Variants in RIC1 observed in about 807,000 individuals in gnomAD.
RIC1 encodes RIC1 partner of RAB6A GEF complex, also known as guanine nucleotide exchange factor subunit RIC1.
RIC1 carries 88 observed loss-of-function variants against 169.0 expected under a neutral mutation model. The observed-to-expected ratio is 0.52, with a 90% CI of 0.44 to 0.62. The LOEUF (loss-of-function observed/expected upper bound fraction) is 0.62. RIC1 is among the 20% of genes least tolerant of loss of function. RIC1 has a pLI of 0.00. For missense variants in RIC1, 1,877 were observed against 1,725.5 expected, an observed-to-expected ratio of 1.09 and a Z score of -1.56; for synonymous variants, 790 against 601.5, an observed-to-expected ratio of 1.31 and a Z score of -4.59.
chr9:5,691,178 A>G (rs779408739), intron 3 of RIC1, among the ~76,000 whole-genome samples: 21 of 151,950 alleles, frequency 1.4e-4, no homozygotes, highest in Non-Finnish European at 2.7e-4. Flanking sequence ...TAAGAACTTG[A>G]CCATATTATA....
intron 1 of RIC1, among the ~76,000 whole-genome samples, chr9:5,647,980 G>GTGGTGGTGGTGGTGGTGGTGA (rs1818613102): frequency 7.9e-6 from 1 of 127,362 alleles, no homozygotes; most frequent in East Asian, 2.4e-4. Context: ...GGTGATGGTG[G>GTGGTGGTGGTGGTGGTGGTGA]TGGTGGTGGT....
intron 2 of RIC1, among the ~76,000 whole-genome samples, chr9:5,667,596 C>G (rs1404214590): frequency 1.3e-5 from 2 of 151,018 alleles, no homozygotes. Flanking sequence ...TCTTGATTTC[C>G]TGGGCTTAAG....
At chr9:5,733,177 C>G (rs1162457108) in intron 7 of RIC1, among the ~76,000 whole-genome samples, 1 of 150,432 alleles carries the variant, frequency 6.6e-6, no homozygotes, top group Non-Finnish European at 1.5e-5. Context: ...CTATGTTGCC[C>G]TCAAAATGAG....
chr9:5,695,436 A>C (rs982325407), intron 3 of RIC1, among the ~76,000 whole-genome samples: 2 of 152,086 alleles, frequency 1.3e-5, no homozygotes, highest in Non-Finnish European at 2.9e-5. Context: ...CTTCCTGCCC[A>C]CTAACATCAA....
chr9:5,760,423 T>C (rs372040312), intron 17 of RIC1, among the ~76,000 whole-genome samples: 3 of 152,344 alleles, frequency 2.0e-5, no homozygotes, highest in African/African-American at 7.2e-5. Context: ...GTGTACTTTT[T>C]TAATGAATTA....
At position 5,668,531 on chromosome 9, in the gene RIC1, A is replaced by C. The variant is rs79363449; in HGVS notation, c.252+11841A>C. Among the ~76,000 whole-genome samples the C allele has an allele frequency of 3.9e-3, 586 of 152,132 alleles. 2 individuals are homozygous for C. The highest frequency in any genetic ancestry group is 0.014 in the African/African-American group (572 of 41,514). Reference sequence around the variant, plus strand: ...TTCCTATATTATGTATGTTGTTGTGATTAATGGTGCCCCACAGGTCCCCCA... The same window carrying C: ...TTCCTATATTATGTATGTTGTTGTGCTTAATGGTGCCCCACAGGTCCCCCA... On this transcript the variant is annotated intron_variant, in intron 2 of 25. Transcript: ENST00000414202.
chr9:5,684,732 G>C (rs1251383240), intron 2 of RIC1, among the ~76,000 whole-genome samples: 1 of 151,932 alleles, frequency 6.6e-6, no homozygotes, highest in African/African-American at 2.4e-5. Flanking sequence ...TTACTGCCTA[G>C]AGTCTAGACA....
Position 5,641,327 on chromosome 9 carries a change from A to G in RIC1, c.144+11874A>G, listed in dbSNP as rs1025605344. ...AGGATGGTCTCGATCTCCTGACCTC[A>G]TGATCTGCCCGCCTCGGCCTCCCAA... is the stretch of plus-strand genomic sequence containing the variant. On this transcript the variant is annotated intron_variant, in intron 1 of 25. Coordinates refer to ENST00000414202, the MANE Select transcript of RIC1 (RefSeq NM_020829.4). Among the ~76,000 whole-genome samples the G allele has an allele frequency of 8.6e-5, 13 of 152,030 alleles. No homozygotes were observed. The South Asian group carries it at 1.0e-3, about 12-fold the overall frequency.
intron 2 of RIC1, among the ~76,000 whole-genome samples, chr9:5,682,169 A>C (rs561083367): frequency 2.7e-4 from 41 of 152,268 alleles, no homozygotes; most frequent in African/African-American, 7.0e-4. Flanking sequence ...TTTAAGGTTA[A>C]TATTGTTATG....
chr9:5,774,946 A>G lies in RIC1; in HGVS notation c.*700A>G, dbSNP rs1279667245. On this transcript the variant is annotated 3_prime_UTR_variant, in exon 26 of 26. Transcript: ENST00000414202. ...GTTAGATACCACTAAACTATTTTGT[A>G]TTAAAGAACAGTATCTTTTTGTGAA... The G allele has an allele frequency of 1.3e-5, 2 of 152,252 alleles. No homozygotes were observed. Among genetic ancestry groups the G allele is most frequent in the East Asian group, 1.9e-4 (1 of 5,206 alleles). The allele number at this position is 152,252 out of a possible 1,614,324, so 9.4% of individuals were successfully genotyped here. A position where few individuals can be genotyped will look rare whatever the true frequency, so the allele number is the denominator to read the frequency against.
chr9:5,705,642 T>G (rs1822540044), intron 3 of RIC1, among the ~76,000 whole-genome samples: 1 of 152,210 alleles, frequency 6.6e-6, no homozygotes, highest in African/African-American at 2.4e-5. Flanking sequence ...CTTACTTGAT[T>G]GCTGTCTAGA....
intron 2 of RIC1, among the ~76,000 whole-genome samples, chr9:5,684,314 A>G (rs1000766653): frequency 3.8e-5 from 3 of 78,952 alleles, no homozygotes; most frequent in Non-Finnish European, 5.0e-5. Flanking sequence ...CATCTCATCA[A>G]TTTATACAGA....
intron 3 of RIC1, among the ~76,000 whole-genome samples, chr9:5,707,758 C>G (rs959428822): frequency 6.6e-6 from 1 of 152,036 alleles, no homozygotes; most frequent in African/African-American, 2.4e-5. Context: ...CAACTTGTTT[C>G]CTTGGATCTA....
At position 5,747,367 on chromosome 9, in the gene RIC1, A is replaced by G. The variant is rs1825440376; in HGVS notation, c.1314A>G (p.Ser438=). Residue 438 remains serine, a synonymous_variant, in exon 12 of 26, where the codon TCA becomes TCG. Coordinates refer to ENST00000414202, the MANE Select transcript of RIC1 (RefSeq NM_020829.4). ...TGTACTTGAACTGTGGAGAGGCTTC[A>G]CAAACCCAGAATCCCAGGAGTTCTT... The part of the protein sequence containing the change: ...DRLYLNCGEA[S]QTQNPRSSST... The G allele has an allele frequency of 6.2e-7, 1 of 1,613,996 alleles. No homozygotes were observed. Among genetic ancestry groups the G allele is most frequent in the African/African-American group, 1.3e-5 (1 of 74,930 alleles).
chr9:5,655,789 C>T (rs964118301), intron 1 of RIC1, among the ~76,000 whole-genome samples: 2 of 151,602 alleles, frequency 1.3e-5, no homozygotes. Context: ...TTTTTTAATA[C>T]CTTGTTGGAT....
intron 2 of RIC1, among the ~76,000 whole-genome samples, chr9:5,681,339 C>T (rs1197884534): frequency 1.3e-5 from 2 of 152,038 alleles, no homozygotes; most frequent in Non-Finnish European, 2.9e-5. Context: ...TTGAATGTGT[C>T]CCAGAGATTC....
rs772254596 is a variant in RIC1 at position 5,763,438 on chromosome 9, G to C, written c.2411G>C (p.Arg804Pro). The change falls in exon 19 of 26, where the codon CGG (arginine) becomes CCG (proline). Residue 804 changes from arginine to proline, a missense_variant. Around this residue, in one of 3 missense-constraint regions of RIC1, gnomAD observed 1,104 missense variants for 992.0 expected, o/e 1.11. Transcript: ENST00000414202. This position sits in a 1 kb window ranked among gnomAD's most constrained non-coding sequence, Gnocchi z 5.2. The part of the protein sequence containing the change: ...DTLLYDSLYT[R>P]NNAREQLEVL... ...TTGCTCTATGATTCTTTATATACTC[G>C]GAACAATGCTAGAGAACAGCTGGAG... 2 of 1,613,960 alleles carry C rather than the reference G, an allele frequency of 1.2e-6. No homozygotes were observed. Among genetic ancestry groups the C allele is most frequent in the African/African-American group, 2.7e-5 (2 of 74,876 alleles).
intron 3 of RIC1, among the ~76,000 whole-genome samples, chr9:5,692,613 C>G (rs1018154809): frequency 6.6e-6 from 1 of 151,944 alleles, no homozygotes; most frequent in Non-Finnish European, 1.5e-5. Flanking sequence ...CTTGACTGTT[C>G]TAGTTATGTT....
intron 1 of RIC1, among the ~76,000 whole-genome samples, chr9:5,642,539 G>C (rs568271944): frequency 1.4e-5 from 2 of 144,268 alleles, no homozygotes; most frequent in Non-Finnish European, 3.0e-5. Flanking sequence ...CCAGGGATTA[G>C]AGTCAAAATT....
Sources: gnomAD v4.1 joint callset for allele counts (sites outside exome capture counted in the v4.1 genomes callset) on GRCh38, gnomAD v4.1.1 for gene constraint, gnomAD v4.1.1 regional missense constraint, Gnocchi (gnomAD v3.1) non-coding constraint, MANE v1.5 for transcripts, NCBI Gene and HGNC (gene_info 2026-07-23, HGNC 2026-07-21) for gene names.